The following SEL1L3 variants were observed in gnomAD, a reference collection of about 807,000 sequenced individuals.
SEL1L3 encodes SEL1L family member 3.
A neutral mutation model predicts 142.8 loss-of-function variants in SEL1L3; 76 were observed. The observed-to-expected ratio is 0.53, with a 90% CI of 0.44 to 0.64. The LOEUF (loss-of-function observed/expected upper bound fraction) is 0.64. Ranked by LOEUF, SEL1L3 falls within the 30% of genes least tolerant of loss-of-function variation. The pLI is 0.00. For missense variants in SEL1L3, 1,262 were observed against 1,381.7 expected, an observed-to-expected ratio of 0.91 and a Z score of 1.37; for synonymous variants, 504 against 519.6, an observed-to-expected ratio of 0.97 and a Z score of 0.41.
intron 20 of SEL1L3, 101 bp downstream of exon 20, chr4:25,765,225 C>T: frequency 1.3e-6 from 1 of 770,588 alleles, no homozygotes; most frequent in Non-Finnish European, 2.3e-6. Flanking sequence ...AATTCCTGAC[C>T]TCAAGTGACC....
chr4:25,851,970 C>A (rs897084014), intron 1 of SEL1L3, among the ~76,000 whole-genome samples: 1 of 151,264 alleles, frequency 6.6e-6, no homozygotes. Context: ...GCTGGTGATT[C>A]CTTTTGACCA....
the SEL1L3 span, among the ~76,000 whole-genome samples, chr4:25,728,513 C>T: frequency 6.6e-6 from 1 of 152,108 alleles, no homozygotes; most frequent in Non-Finnish European, 1.5e-5. Flanking sequence ...ATCAGTTCTT[C>T]CCACCTGGCA....
chr4:25,778,409 T>G (rs1412959492), intron 16 of SEL1L3, among the ~76,000 whole-genome samples: 2 of 151,616 alleles, frequency 1.3e-5, no homozygotes, highest in South Asian at 4.2e-4. Flanking sequence ...ATCAAATACA[T>G]AGAAAATGAT....
At chr4:25,839,247 C>T (rs983616508) in intron 2 of SEL1L3, among the ~76,000 whole-genome samples, 1 of 152,164 alleles carries the variant, frequency 6.6e-6, no homozygotes, top group Non-Finnish European at 1.5e-5. Context: ...TCAGAACTTC[C>T]TCCAGAAAGG....
chr4:25,757,528 C>G lies in SEL1L3; in HGVS notation c.3259+6G>C, dbSNP rs1347619447. The G allele has an allele frequency of 7.9e-6, 10 of 1,259,124 alleles. No homozygotes were observed. Among genetic ancestry groups the G allele is most frequent in the Admixed American group, 2.5e-5 (1 of 39,832 alleles). 78.0% of individuals were successfully genotyped at this position (1,259,124 alleles called of 1,614,324 possible). Reference sequence around the variant, plus strand: ...TATATTGCTTTCGCTTTTTATAAATCTTTACCTGAGACAGACTGGAAATAC... The same window carrying G: ...TATATTGCTTTCGCTTTTTATAAATGTTTACCTGAGACAGACTGGAAATAC... On this transcript the variant is annotated splice_donor_region_variant and intron_variant, in intron 23 of 23. Coordinates refer to ENST00000399878, the MANE Select transcript of SEL1L3 (RefSeq NM_015187.5).
intron 23 of SEL1L3, chr4:25,756,996 A>G (rs1184375959): frequency 8.4e-7 from 1 of 1,189,222 alleles, no homozygotes; most frequent in African/African-American, 1.6e-5. Flanking sequence ...GGCTGGGTGC[A>G]GTGGCCCACG....
chr4:25,824,383 G>A (rs1210817675), intron 6 of SEL1L3, among the ~76,000 whole-genome samples: 1 of 152,162 alleles, frequency 6.6e-6, no homozygotes, highest in Non-Finnish European at 1.5e-5. Flanking sequence ...TCACTGCCTA[G>A]AGCTTACTGT....
At chr4:25,861,279 CA>C (rs1344751639) in intron 1 of SEL1L3, among the ~76,000 whole-genome samples, 2 of 151,826 alleles carry the variant, frequency 1.3e-5, no homozygotes, top group Non-Finnish European at 2.9e-5. Context: ...ATCTCTTGGG[CA>C]AAAAAATATC....
At chr4:25,832,281 T>C (rs868703836) in intron 5 of SEL1L3, among the ~76,000 whole-genome samples, 1 of 152,148 alleles carries the variant, frequency 6.6e-6, no homozygotes, top group Non-Finnish European at 1.5e-5. Context: ...TCCAGTTTTG[T>C]TACAGGAAAA....
chr4:25,714,262 C>T, the SEL1L3 span, among the ~76,000 whole-genome samples: 1 of 152,028 alleles, frequency 6.6e-6, no homozygotes, highest in South Asian at 2.1e-4. Flanking sequence ...AAGTACCTTG[C>T]GAAGATGATC....
chr4:25,736,516 A>C, the SEL1L3 span, among the ~76,000 whole-genome samples: 1 of 152,030 alleles, frequency 6.6e-6, no homozygotes, highest in East Asian at 1.9e-4. Flanking sequence ...GAGCCACTGC[A>C]CCTGGCCAGA....
chr4:25,833,507 A>G lies in SEL1L3; in HGVS notation c.923T>C (p.Leu308Pro), dbSNP rs774381929. ...CATCTCATTAGAGTCAACAAAGTAC[A>G]GAATCCCACAGAGGTTGGCCTTGCA... ...HYCKANLCGI[L>P]YFVDSNEMYG... Residue 308 changes from leucine (L) to proline (P), a missense_variant, in exon 4 of 24, where the codon CTG becomes CCG. Leu to Pro is a moderately conservative substitution (Grantham distance 98). Transcript: ENST00000399878. 1 of 1,612,862 alleles carries G rather than the reference A, an allele frequency of 6.2e-7. No individual in the cohort carries two copies. The highest frequency in any genetic ancestry group is 1.7e-5 in the Admixed American group (1 of 59,998).
In SEL1L3 at chr4:25,809,037, C is replaced by T. The variant is rs111744434; in HGVS notation, c.1565-4285G>A. Among the ~76,000 whole-genome samples the T allele has an allele frequency of 6.3e-3, 897 of 142,840 alleles. 12 individuals carry two copies. Among genetic ancestry groups the T allele is most frequent in the African/African-American group, 0.022 (852 of 38,694 alleles). 93.7% of individuals were successfully genotyped at this position (142,840 alleles called of 152,430 possible). A position where few individuals can be genotyped will look rare whatever the true frequency, so the allele number is the denominator to read the frequency against. Reference sequence around the variant, plus strand: ...GCAGTGAGCCGAGATCGCGCCACTGCACTCCAGCCTGGGCGACAGAGTGAG... The same window carrying T: ...GCAGTGAGCCGAGATCGCGCCACTGTACTCCAGCCTGGGCGACAGAGTGAG... On this transcript the variant is annotated intron_variant, in intron 9 of 23. Coordinates refer to ENST00000399878, the MANE Select transcript of SEL1L3 (RefSeq NM_015187.5).
the SEL1L3 span, among the ~76,000 whole-genome samples, chr4:25,739,401 G>A: frequency 6.6e-6 from 1 of 151,784 alleles, no homozygotes; most frequent in African/African-American, 2.4e-5. Flanking sequence ...CACCAACGAT[G>A]ATTTAAAACC....
At chr4:25,839,818 G>T (rs191141929) in intron 2 of SEL1L3, among the ~76,000 whole-genome samples, 1 of 124,760 alleles carries the variant, frequency 8.0e-6, no homozygotes, top group Non-Finnish European at 1.9e-5. Context: ...CGAAAGAAAA[G>T]AACAAAAGCT....
intron 19 of SEL1L3, among the ~76,000 whole-genome samples, chr4:25,766,615 G>C (rs1718756608): frequency 6.6e-6 from 1 of 152,092 alleles, no homozygotes; most frequent in Admixed American, 6.5e-5. Context: ...CAGTGAGAAG[G>C]CTACTATCAT....
chr4:25,780,981 AC>A (rs1405010252), intron 15 of SEL1L3, among the ~76,000 whole-genome samples: 1 of 151,438 alleles, frequency 6.6e-6, no homozygotes, highest in Non-Finnish European at 1.5e-5. Context: ...ATGCACCACC[AC>A]ACCTGGATAA....
intron 1 of SEL1L3, among the ~76,000 whole-genome samples, chr4:25,862,381 A>C (rs986904139): frequency 3.3e-5 from 5 of 151,558 alleles, no homozygotes; most frequent in Admixed American, 3.3e-4. Context: ...TCCCGGGTGG[A>C]GTCGAGGACA....
chr4:25,803,743 G>A (rs1354798252), intron 10 of SEL1L3, among the ~76,000 whole-genome samples: 6 of 151,920 alleles, frequency 3.9e-5, no homozygotes, highest in Non-Finnish European at 7.4e-5. Flanking sequence ...CTGCCTGCCT[G>A]CCTGCTTGAG....
Sources: allele counts gnomAD v4.1 joint callset (sites outside exome capture counted in the v4.1 genomes callset), GRCh38; gene constraint gnomAD v4.1.1; transcripts MANE v1.5; gene names NCBI Gene and HGNC (gene_info 2026-07-23, HGNC 2026-07-21).